The following SOX5 variants were observed in gnomAD, a reference collection of about 807,000 sequenced individuals.
SOX5 encodes transcription factor SOX-5.
SOX5 carries 9 observed loss-of-function variants against 92.0 expected under a neutral mutation model. The observed-to-expected ratio is 0.10, with a 90% CI of 0.06 to 0.17. SOX5 has a LOEUF of 0.17. Among genes scored for constraint, SOX5 ranks in the 10% least tolerant of loss-of-function variants. SOX5 has a pLI of 1.00. For synonymous variants in SOX5, 344 were observed against 336.3 expected (o/e 1.02, Z -0.25); for missense variants, 642 against 944.5 (o/e 0.68, Z 4.20).
intron 2 of SOX5, among the ~76,000 whole-genome samples, chr12:23,848,389 C>T (rs2096597428): frequency 6.6e-6 from 1 of 152,158 alleles, no homozygotes; most frequent in Non-Finnish European, 1.5e-5. Context: ...ATTCTAAACT[C>T]AGTTGCTGCA....
At chr12:24,035,492 A>G (rs993704933) in intron 4 of SOX5, among the ~76,000 whole-genome samples, 1 of 152,128 alleles carries the variant, frequency 6.6e-6, no homozygotes, top group African/African-American at 2.4e-5. Context: ...TCCCCAAAAC[A>G]AAGAAATACA....
chr12:23,909,937 T>TC (rs1183599302), intron 1 of SOX5, among the ~76,000 whole-genome samples: 2 of 151,980 alleles, frequency 1.3e-5, no homozygotes, highest in African/African-American at 2.4e-5. Context: ...ACTTCCATCC[T>TC]CTTTTTTTTT....
intron 4 of SOX5, among the ~76,000 whole-genome samples, chr12:23,958,492 ATTAAT>A (rs1289278766): frequency 2.0e-5 from 3 of 152,054 alleles, no homozygotes; most frequent in Admixed American, 6.5e-5. Context: ...TTTCACACAG[ATTAAT>A]TTAATTTTTA....
chr12:24,535,890 G>A (rs1165417207), intron 1 of SOX5, among the ~76,000 whole-genome samples: 7 of 140,038 alleles, frequency 5.0e-5, no homozygotes, highest in South Asian at 2.3e-4. Flanking sequence ...TGCTTCCCCC[G>A]CCCCACCACC....
At position 23,532,297 on chromosome 12, in the gene SOX5, T is replaced by C. The variant is rs918272337; in HGVS notation, c.*1922A>G. The C allele has an allele frequency of 1.3e-5, 2 of 151,918 alleles. No homozygotes were observed. Among genetic ancestry groups the C allele is most frequent in the Non-Finnish European group, 2.9e-5 (2 of 67,960 alleles). 9.4% of individuals were successfully genotyped at this position (151,918 alleles called of 1,614,324 possible). A position where few individuals can be genotyped will look rare whatever the true frequency, so the allele number is the denominator to read the frequency against. ...GCAAGTCTTCTGAGAGAGAGAAAAA[T>C]AAAAGGGATTCTTTTTTTATTTATA... On this transcript the variant is annotated 3_prime_UTR_variant, in exon 15 of 15. Coordinates refer to ENST00000451604, the MANE Select transcript of SOX5 (RefSeq NM_006940.6).
rs147124750 is a variant in SOX5 at position 24,158,400 on chromosome 12, C to G, written c.-2+54943G>C. 3.5e-3 allele frequency among the ~76,000 whole-genome samples: 538 copies of G among 151,946 alleles called. 3 individuals carry two copies. Among genetic ancestry groups the G allele is most frequent in the African/African-American group, 0.012 (515 of 41,510 alleles). On this transcript the variant is annotated intron_variant, in intron 4 of 4. Coordinates refer to the SOX5 transcript ENST00000446891. ...TGAATTATTGCTGCTCAGGAGGTCA[C>G]AGGAATAACTAACATTTACCCAGAA...
intron 3 of SOX5, among the ~76,000 whole-genome samples, chr12:24,243,085 G>A (rs11047327): frequency 0.014 from 2,084 of 151,948 alleles, 51 homozygotes; most frequent in African/African-American, 0.045. Context: ...GGATTATGAA[G>A]GTTTTTGCTT....
At chr12:24,487,847 C>CT (rs1037686191) in intron 1 of SOX5, among the ~76,000 whole-genome samples, 12 of 149,312 alleles carry the variant, frequency 8.0e-5, no homozygotes, top group South Asian at 4.2e-4. Flanking sequence ...CCAGTGTCCT[C>CT]TTTTTTTTTT....
At chr12:24,043,826 T>C (rs1448624957) in intron 4 of SOX5, among the ~76,000 whole-genome samples, 1 of 152,234 alleles carries the variant, frequency 6.6e-6, no homozygotes, top group Non-Finnish European at 1.5e-5. Flanking sequence ...GAACAATATA[T>C]AATTTTTACT....
intron 4 of SOX5, among the ~76,000 whole-genome samples, chr12:24,001,541 G>A (rs966402167): frequency 6.6e-6 from 1 of 152,116 alleles, no homozygotes; most frequent in Non-Finnish European, 1.5e-5. Flanking sequence ...AGAAAACAGT[G>A]TGAGCTAGGC....
At chr12:23,861,450 T>C (rs535668661) in intron 2 of SOX5, among the ~76,000 whole-genome samples, 26 of 152,276 alleles carry the variant, frequency 1.7e-4, no homozygotes, top group African/African-American at 6.3e-4. Context: ...TTATACTAAA[T>C]CCTATGGAGT....
At chr12:23,897,943 A>G (rs2097193971) in intron 1 of SOX5, among the ~76,000 whole-genome samples, 1 of 152,202 alleles carries the variant, frequency 6.6e-6, no homozygotes, top group Non-Finnish European at 1.5e-5. Context: ...GCCTATTCCA[A>G]GTATACTCTA....
At chr12:24,330,131 A>G (rs935917041) in intron 2 of SOX5, among the ~76,000 whole-genome samples, 11 of 152,276 alleles carry the variant, frequency 7.2e-5, no homozygotes, top group African/African-American at 2.6e-4. Context: ...TAAAATAAGA[A>G]AAACATACCT....
At chr12:24,436,804 ACT>A (rs1461881607) in intron 1 of SOX5, among the ~76,000 whole-genome samples, 3 of 152,118 alleles carry the variant, frequency 2.0e-5, no homozygotes, top group African/African-American at 4.8e-5. Context: ...GAACAGGTTG[ACT>A]CTCTTATTTG....
At chr12:24,406,905 G>A (rs186785764) in intron 1 of SOX5, among the ~76,000 whole-genome samples, 2 of 152,224 alleles carry the variant, frequency 1.3e-5, no homozygotes, top group Admixed American at 6.5e-5. Context: ...TTCAAAATAC[G>A]ATTAAAGAAA....
At chr12:23,802,890 T>C (rs568619443) in intron 3 of SOX5, among the ~76,000 whole-genome samples, 2 of 152,196 alleles carry the variant, frequency 1.3e-5, no homozygotes, top group Non-Finnish European at 2.9e-5. Flanking sequence ...AGTAACTGCC[T>C]ACTTCTCAAC....
chr12:23,675,488 G>A (rs1326176375), intron 6 of SOX5, among the ~76,000 whole-genome samples: 1 of 152,054 alleles, frequency 6.6e-6, no homozygotes, highest in Non-Finnish European at 1.5e-5. Context: ...GGGAAAACTG[G>A]ATAACTACAT....
chr12:24,538,230 G>A (rs1951811076), intron 1 of SOX5, among the ~76,000 whole-genome samples: 1 of 152,140 alleles, frequency 6.6e-6, no homozygotes, highest in African/African-American at 2.4e-5. Context: ...CAGCCTTGCA[G>A]TTCCTCATGC....
chr12:23,804,758 C>T (rs910119851), intron 3 of SOX5, among the ~76,000 whole-genome samples: 3 of 151,676 alleles, frequency 2.0e-5, no homozygotes, highest in Non-Finnish European at 2.9e-5. Context: ...TGACCACCTT[C>T]GATGACTAAT....
Sources: allele counts gnomAD v4.1 joint callset (sites outside exome capture counted in the v4.1 genomes callset), GRCh38; gene constraint gnomAD v4.1.1; transcripts MANE v1.5; gene names NCBI Gene and HGNC (gene_info 2026-07-23, HGNC 2026-07-21).